The following E2F6 variants were observed in gnomAD, a reference collection of about 807,000 sequenced individuals.
E2F6 encodes E2F transcription factor 6, also known as transcription factor E2F6.
E2F6 carries 19 observed loss-of-function variants against 31.5 expected under a neutral mutation model. The observed-to-expected ratio is 0.60, with a 90% CI of 0.42 to 0.89. E2F6 has a LOEUF of 0.89. E2F6 is among the 40% of genes least tolerant of loss of function. The pLI is 0.00. For synonymous variants in E2F6, 121 were observed against 127.7 expected (o/e 0.95, Z 0.36); for missense variants, 269 against 341.6 (o/e 0.79, Z 1.67).
At chr2:11,462,037 A>G (rs974705904) in intron 1 of E2F6, among the ~76,000 whole-genome samples, 1 of 152,240 alleles carries the variant, frequency 6.6e-6, no homozygotes, top group Non-Finnish European at 1.5e-5. Context: ...CTCTACTATT[A>G]GAAGTAGAGC....
intron 2 of E2F6, among the ~76,000 whole-genome samples, chr2:11,454,019 G>A (rs1241093088): frequency 5.9e-5 from 9 of 152,150 alleles, no homozygotes; most frequent in African/African-American, 9.7e-5. Flanking sequence ...TTAAACAAAG[G>A]AGGATTTGAA....
intron 1 of E2F6, among the ~76,000 whole-genome samples, chr2:11,464,805 A>G (rs1352955283): frequency 1.3e-5 from 2 of 152,224 alleles, no homozygotes; most frequent in Non-Finnish European, 2.9e-5. Flanking sequence ...CACTGCTGTG[A>G]GAAATGAGAA....
At chr2:11,449,974 C>G in intron 5 of E2F6, 38 bp downstream of exon 5, 1 of 1,524,426 alleles carries the variant, frequency 6.6e-7, no homozygotes, top group Non-Finnish European at 9.1e-7. Context: ...CGGCCCTCAT[C>G]CCTCTTTAAA....
intron 2 of E2F6, 36 bp from the exon 3 acceptor site, chr2:11,453,834 A>G: frequency 6.4e-7 from 1 of 1,551,972 alleles, no homozygotes; most frequent in Non-Finnish European, 8.8e-7. Context: ...TAAAATTTTA[A>G]ATAACATTTC....
At position 11,453,793 on chromosome 2, in the gene E2F6, G is replaced by A; in HGVS notation, c.169C>T (p.Leu57=). ...NVQYVSMRKA[L]KVKRPRFDVS... is the part of the protein sequence containing the mutation. ...TCAAAACGAGGTCTCTTCACTTTTA[G>A]AGCTTCTGGGAAACAAAATAAACAT... Residue 57 remains leucine (L), a synonymous_variant, in exon 3 of 7, where the codon CTA becomes TTA. Transcript: ENST00000381525. The A allele has an allele frequency of 6.2e-7, 1 of 1,608,702 alleles. No homozygotes were observed. Among genetic ancestry groups the A allele is most frequent in the Non-Finnish European group, 8.5e-7 (1 of 1,178,198 alleles).
chr2:11,461,741 T>C (rs1235760425), intron 1 of E2F6, among the ~76,000 whole-genome samples: 5 of 152,214 alleles, frequency 3.3e-5, no homozygotes, highest in African/African-American at 9.7e-5. Context: ...GGCTACAGGA[T>C]AGAAGATTCT....
At chr2:11,459,770 G>A (rs1666571861) in intron 1 of E2F6, among the ~76,000 whole-genome samples, 1 of 152,084 alleles carries the variant, frequency 6.6e-6, no homozygotes, top group South Asian at 2.1e-4. Context: ...TGTAATAAAA[G>A]CTACTTGGGA....
rs1671457361 is a variant in E2F6, at chr2:11,457,159, C to T, written c.163+20G>A. ...AGTTCAAACTAACAAAACCTAAAAC[C>T]TATTCAGGAATCAACTTACTTCTCA... On this transcript the variant is annotated intron_variant, in intron 2 of 6. Coordinates refer to ENST00000381525, the MANE Select transcript of E2F6 (RefSeq NM_198256.4). The T allele has an allele frequency of 6.6e-7, 1 of 1,526,236 alleles. No individual in the cohort carries two copies. The highest frequency in any genetic ancestry group is 1.4e-5 in the African/African-American group (1 of 72,796). 94.5% of individuals were successfully genotyped at this position (1,526,236 alleles called of 1,614,324 possible).
intron 1 of E2F6, among the ~76,000 whole-genome samples, 157 bp from the exon 2 acceptor site, chr2:11,457,390 G>A (rs866421442): frequency 6.6e-6 from 1 of 152,158 alleles, no homozygotes; most frequent in Non-Finnish European, 1.5e-5. Flanking sequence ...TTGGGAGGCC[G>A]AGGCAGGTGC....
At chr2:11,455,052 A>G (rs1403057925) in intron 2 of E2F6, among the ~76,000 whole-genome samples, 1 of 152,178 alleles carries the variant, frequency 6.6e-6, no homozygotes, top group Non-Finnish European at 1.5e-5. Flanking sequence ...ATGTCCCCTT[A>G]ACTGGACATT....
chr2:11,466,045 G>A lies in E2F6; in HGVS notation c.-166C>T, dbSNP rs1012321627. On this transcript the variant is annotated 5_prime_UTR_variant, in exon 1 of 7. Transcript: ENST00000381525. ...CCCGGCTAGGCCGTCCCGCCCGCCA[G>A]TAAACGCGGCACGGCCTCACGTGCC... 2 of 574,142 alleles carry A rather than the reference G, an allele frequency of 3.5e-6. No individual in the cohort carries two copies. Among genetic ancestry groups the A allele is most frequent in the Non-Finnish European group, 5.8e-6 (2 of 342,490 alleles). 35.6% of individuals were successfully genotyped at this position (574,142 alleles called of 1,614,324 possible). A position where few individuals can be genotyped will look rare whatever the true frequency, so the allele number is the denominator to read the frequency against.
chr2:11,447,174 C>T (rs566241246), intron 6 of E2F6, among the ~76,000 whole-genome samples: 8 of 152,262 alleles, frequency 5.3e-5, no homozygotes, highest in Non-Finnish European at 1.2e-4. Flanking sequence ...GGTCCAGAGG[C>T]GACGTCCTTA....
At chr2:11,465,225 A>G (rs1672083855) in intron 1 of E2F6, among the ~76,000 whole-genome samples, 1 of 151,932 alleles carries the variant, frequency 6.6e-6, no homozygotes, top group Non-Finnish European at 1.5e-5. Context: ...GAAAAAGAAA[A>G]TGCATTTGTT....
intron 2 of E2F6, chr2:11,455,298 C>T (rs1671336732): frequency 1.5e-5 from 16 of 1,052,130 alleles, no homozygotes; most frequent in Non-Finnish European, 1.9e-5. Flanking sequence ...TCTACTTCCA[C>T]AGCACACCAC....
In E2F6 at chr2:11,446,539, AG is replaced by A. The variant is rs1417638876; in HGVS notation, c.800-17del. 2.5e-6 allele frequency: 4 copies of A among 1,611,810 alleles called. No individual in the cohort carries two copies. Among genetic ancestry groups the A allele is most frequent in the Non-Finnish European group, 3.4e-6 (4 of 1,178,186 alleles). ...GGATTTTCTTCTGGAAAAGAACACG[AG>A]AGAGAAATACACCTAAGTGAATACA... On this transcript the variant is annotated splice_polypyrimidine_tract_variant and intron_variant, in intron 6 of 6. Transcript: ENST00000381525.
At chr2:11,458,154 T>C (rs1671528468) in intron 1 of E2F6, 2 of 876,138 alleles carry the variant, frequency 2.3e-6, no homozygotes, top group Non-Finnish European at 3.7e-6. Flanking sequence ...AGACAGGCTG[T>C]CATCAGGTTT....
chr2:11,446,670 G>A (rs1670735146), intron 6 of E2F6, 147 bp from the exon 7 acceptor site: 4 of 609,706 alleles, frequency 6.6e-6, no homozygotes, highest in Non-Finnish European at 5.8e-6. Flanking sequence ...TCAGGTTAAT[G>A]GCATAAGGCT....
chr2:11,465,155 G>A (rs1355640389), intron 1 of E2F6, among the ~76,000 whole-genome samples: 1 of 89,602 alleles, frequency 1.1e-5, no homozygotes. Context: ...TCCAGCCTGG[G>A]GAACAAAAGT....
chr2:11,462,427 G>A (rs563235508), intron 1 of E2F6, among the ~76,000 whole-genome samples: 1 of 152,292 alleles, frequency 6.6e-6, no homozygotes, highest in South Asian at 2.1e-4. Context: ...AAACTACAAT[G>A]AAAGTTATGT....
Sources: gnomAD v4.1 joint callset for allele counts (sites outside exome capture counted in the v4.1 genomes callset) on GRCh38, gnomAD v4.1.1 for gene constraint, MANE v1.5 for transcripts, NCBI Gene and HGNC (gene_info 2026-07-23, HGNC 2026-07-21) for gene names.